PBRM1: variants seen among roughly 807,000 people sequenced by gnomAD.
PBRM1 encodes polybromo 1.
A neutral mutation model predicts 194.5 loss-of-function variants in PBRM1; 27 were observed. The observed-to-expected ratio is 0.14, with a 90% CI of 0.10 to 0.19. The LOEUF (loss-of-function observed/expected upper bound fraction) is 0.19. Among genes scored for constraint, PBRM1 ranks in the 10% least tolerant of loss-of-function variants. The probability of loss-of-function intolerance (pLI) is 1.00; values close to 1 mark genes in which losing one functional copy is unlikely to be tolerated. For missense variants in PBRM1, 1,466 were observed against 2,077.2 expected (o/e 0.71, Z 5.72); for synonymous variants, 655 against 693.2 (o/e 0.94, Z 0.87).
At chr3:52,630,045 G>C (rs961003798) in intron 11 of PBRM1, among the ~76,000 whole-genome samples, 4 of 152,198 alleles carry the variant, frequency 2.6e-5, no homozygotes, top group African/African-American at 7.2e-5. Context: ...CTAGCACCTA[G>C]AGTTCAAATT....
At chr3:52,589,562 G>T (rs1324072798) in intron 17 of PBRM1, among the ~76,000 whole-genome samples, 1 of 152,082 alleles carries the variant, frequency 6.6e-6, no homozygotes, top group Non-Finnish European at 1.5e-5. Flanking sequence ...ATATCGAAAG[G>T]CACAAAGAAG....
intron 22 of PBRM1, among the ~76,000 whole-genome samples, chr3:52,567,753 T>C (rs936310372): frequency 2.0e-5 from 3 of 149,824 alleles, no homozygotes; most frequent in Non-Finnish European, 3.0e-5. Context: ...TGCCTCAGCC[T>C]CCCGAGTAGC....
At chr3:52,683,219 A>AT (rs1237192813), upstream of PBRM1, among the ~76,000 whole-genome samples, 5 of 151,464 alleles carry the variant, frequency 3.3e-5, no homozygotes, top group Non-Finnish European at 5.9e-5. Context: ...ATAATAAAAA[A>AT]AAAAATTAGC....
At chr3:52,676,353 C>A (rs948700119) in intron 2 of PBRM1, among the ~76,000 whole-genome samples, 3 of 152,134 alleles carry the variant, frequency 2.0e-5, no homozygotes, top group African/African-American at 7.2e-5. Flanking sequence ...AGGGAGGTAA[C>A]TGAATCATGG....
At chr3:52,646,687 G>A (rs1193721167) in intron 7 of PBRM1, among the ~76,000 whole-genome samples, 5 of 152,096 alleles carry the variant, frequency 3.3e-5, no homozygotes. Flanking sequence ...ATAGTGCTGG[G>A]ATAATATCTC....
At chr3:52,545,720 A>G, downstream of PBRM1, 1 of 233,228 alleles carries the variant, frequency 4.3e-6, no homozygotes, top group Non-Finnish European at 8.5e-6. Flanking sequence ...TTTGCAATAT[A>G]AACAATTCTT....
chr3:52,629,433 G>C (rs2095545859), intron 11 of PBRM1, among the ~76,000 whole-genome samples: 1 of 152,072 alleles, frequency 6.6e-6, no homozygotes, highest in African/African-American at 2.4e-5. Context: ...GAACAATCAT[G>C]GTGATCTACC....
In PBRM1 at chr3:52,609,247, A is replaced by G. The variant is rs2094496853; in HGVS notation, c.2567+66T>C. On this transcript the variant is annotated intron_variant, in intron 16 of 29. Transcript: ENST00000296302. The surrounding 1 kb of genome is among the most constrained non-coding windows in gnomAD (Gnocchi z 4.1). ...AGTGGAAATAGTACATCAAAGCAAT[A>G]TTCTTTCATCTGTTTTGTATTAAAT... 1 of 1,239,684 alleles carries G rather than the reference A, an allele frequency of 8.1e-7. No individual in the cohort carries two copies. The highest frequency in any genetic ancestry group is 2.0e-5 in the Admixed American group (1 of 48,998). The allele number at this position is 1,239,684 out of a possible 1,614,324, so 76.8% of individuals were successfully genotyped here.
chr3:52,633,124 TA>T (rs1212721608), intron 11 of PBRM1, among the ~76,000 whole-genome samples: 2 of 152,170 alleles, frequency 1.3e-5, no homozygotes, highest in African/African-American at 2.4e-5. Context: ...CTATACCCAT[TA>T]AACAGTAACT....
At chr3:52,615,534 T>C (rs1045569622) in intron 14 of PBRM1, 78 bp from the exon 17 acceptor site, 7 of 893,972 alleles carry the variant, frequency 7.8e-6, no homozygotes, top group Non-Finnish European at 1.3e-5. Flanking sequence ...AAAGAAGTTT[T>C]AAAAAGACAG....
exon 27 of PBRM1, chr3:52,554,864 T>C (rs2081895266): frequency 1.2e-6 from 2 of 1,607,688 alleles, no homozygotes; most frequent in Admixed American, 1.7e-5. Flanking sequence ...GCCTGGCGGA[T>C]AGCCACCCAT....
chr3:52,659,890 G>A (rs1369404934), intron 4 of PBRM1, among the ~76,000 whole-genome samples: 1 of 152,130 alleles, frequency 6.6e-6, no homozygotes, highest in Non-Finnish European at 1.5e-5. Context: ...TCAAGAGTTC[G>A]AGACCAGTCT....
chr3:52,640,517 C>A (rs1310394825), intron 10 of PBRM1, among the ~76,000 whole-genome samples: 1 of 152,000 alleles, frequency 6.6e-6, no homozygotes, highest in African/African-American at 2.4e-5. Context: ...GCAATCCTCC[C>A]ACCTAGGCCT....
chr3:52,617,936 C>T (rs1318209838), intron 13 of PBRM1, among the ~76,000 whole-genome samples: 1 of 152,136 alleles, frequency 6.6e-6, no homozygotes, highest in East Asian at 1.9e-4. Flanking sequence ...ATAATATCCT[C>T]ACTTCCAAGT....
chr3:52,622,294 TGCCA>T (rs1340842212), intron 13 of PBRM1, among the ~76,000 whole-genome samples: 1 of 151,800 alleles, frequency 6.6e-6, no homozygotes, highest in Non-Finnish European at 1.5e-5. Context: ...GCCAAGATCG[TGCCA>T]CTGCACTCCA....
intron 17 of PBRM1, among the ~76,000 whole-genome samples, chr3:52,595,306 G>A (rs967886180): frequency 2.0e-5 from 3 of 152,068 alleles, no homozygotes; most frequent in African/African-American, 7.2e-5. Context: ...GGGGGCCAAG[G>A]CTCAGCTCAG....
chr3:52,593,533 G>A (rs1313852088), intron 17 of PBRM1, among the ~76,000 whole-genome samples: 1 of 152,050 alleles, frequency 6.6e-6, no homozygotes, highest in Non-Finnish European at 1.5e-5. Context: ...CACCGTGCCT[G>A]GCCATTGACC....
At chr3:52,648,938 A>C (rs1283842158) in intron 6 of PBRM1, among the ~76,000 whole-genome samples, 1 of 152,240 alleles carries the variant, frequency 6.6e-6, no homozygotes, top group Admixed American at 6.5e-5. Context: ...CACTCAATCC[A>C]AAACAACCCA....
intron 18 of PBRM1, 74 bp from the exon 21 acceptor site, chr3:52,587,584 T>C: frequency 1.7e-6 from 2 of 1,195,106 alleles, no homozygotes; most frequent in South Asian, 3.0e-5. Flanking sequence ...TTTTTTTTTT[T>C]TTTTTTAAAG....
Sources: allele counts gnomAD v4.1 joint callset (sites outside exome capture counted in the v4.1 genomes callset), GRCh38; gene constraint gnomAD v4.1.1; non-coding constraint Gnocchi (gnomAD v3.1); transcripts MANE v1.5; gene names NCBI Gene and HGNC (gene_info 2026-07-23, HGNC 2026-07-21).